Variants in SLC2A13 observed in about 807,000 individuals in gnomAD.
SLC2A13 encodes the protein proton myo-inositol cotransporter.
Under a neutral mutation model 64.4 loss-of-function variants are expected in SLC2A13, and 32 were observed. The ratio of observed to expected loss-of-function variants is 0.50; its 90% CI spans 0.37 to 0.67. The LOEUF (loss-of-function observed/expected upper bound fraction) is 0.67. SLC2A13 is among the 30% of genes least tolerant of loss of function. SLC2A13 has a pLI of 0.00. For synonymous variants in SLC2A13, 338 were observed against 327.1 expected (o/e 1.03, Z -0.36); for missense variants, 743 against 829.2 (o/e 0.90, Z 1.28).
intron 3 of SLC2A13, among the ~76,000 whole-genome samples, chr12:39,980,028 T>A (rs894559425): frequency 6.6e-6 from 1 of 151,492 alleles, no homozygotes; most frequent in Non-Finnish European, 1.5e-5. Context: ...TCAACATTCT[T>A]AAAGAAAAGA....
intron 1 of SLC2A13, among the ~76,000 whole-genome samples, chr12:40,085,060 G>C (rs1938546835): frequency 6.6e-6 from 1 of 152,092 alleles, no homozygotes; most frequent in South Asian, 2.1e-4. Flanking sequence ...AGGTGAAAAG[G>C]GCTGAGTTCA....
At chr12:39,917,564 A>C (rs1945541712) in intron 4 of SLC2A13, among the ~76,000 whole-genome samples, 2 of 152,124 alleles carry the variant, frequency 1.3e-5, no homozygotes, top group Non-Finnish European at 2.9e-5. Context: ...GGGCCTTAAC[A>C]GAACAAAAGG....
intron 1 of SLC2A13, among the ~76,000 whole-genome samples, chr12:40,095,432 A>T (rs529072123): frequency 6.6e-6 from 1 of 152,334 alleles, no homozygotes; most frequent in African/African-American, 2.4e-5. Context: ...GTAATTTTTT[A>T]GGTAGTTGCA....
intron 1 of SLC2A13, among the ~76,000 whole-genome samples, chr12:40,099,203 T>C (rs763151749): frequency 6.6e-5 from 10 of 152,238 alleles, no homozygotes; most frequent in South Asian, 4.1e-4. Flanking sequence ...GAGGTTTTTC[T>C]GGTGAGTATG....
intron 3 of SLC2A13, 115 bp from the exon 4 acceptor site, chr12:39,951,480 T>C (rs906247977): frequency 5.9e-6 from 4 of 674,048 alleles, no homozygotes; most frequent in Non-Finnish European, 9.4e-6. Context: ...TGACTGGGCA[T>C]TTTAAATCAG....
At chr12:39,831,425 G>A (rs183026574) in intron 6 of SLC2A13, among the ~76,000 whole-genome samples, 2 of 152,288 alleles carry the variant, frequency 1.3e-5, no homozygotes, top group East Asian at 3.9e-4. Context: ...GATACTATGG[G>A]TTGTGAAAGG....
chr12:39,836,153 G>A (rs916171534), intron 6 of SLC2A13, among the ~76,000 whole-genome samples: 1 of 152,092 alleles, frequency 6.6e-6, no homozygotes, highest in South Asian at 2.1e-4. Context: ...TAGAGAGTTT[G>A]TAGTAAATAA....
At chr12:39,911,319 T>A (rs1297404830) in intron 4 of SLC2A13, among the ~76,000 whole-genome samples, 1 of 152,130 alleles carries the variant, frequency 6.6e-6, no homozygotes, top group Non-Finnish European at 1.5e-5. Flanking sequence ...ATACCACCAA[T>A]GTCTTTTTCA....
chr12:40,100,609 G>A (rs1429669735), intron 1 of SLC2A13, among the ~76,000 whole-genome samples: 2 of 152,068 alleles, frequency 1.3e-5, no homozygotes, highest in African/African-American at 4.8e-5. Flanking sequence ...CTTGATTATA[G>A]GTACAATACT....
At chr12:39,872,107 C>CAAATTCATGCAAACG in intron 4 of SLC2A13, 146 bp from the exon 5 acceptor site, 7 of 615,608 alleles carry the variant, frequency 1.1e-5, no homozygotes, top group Non-Finnish European at 1.7e-5. Context: ...TTCATGCAAG[C>CAAATTCATGCAAACG]TGTTGAAAAG....
chr12:39,875,976 T>C (rs1457448632), intron 4 of SLC2A13, among the ~76,000 whole-genome samples: 1 of 152,120 alleles, frequency 6.6e-6, no homozygotes, highest in Admixed American at 6.6e-5. Flanking sequence ...AAAAGAACAA[T>C]ATGAACAACT....
intron 4 of SLC2A13, among the ~76,000 whole-genome samples, chr12:39,943,477 A>C (rs1186370974): frequency 6.6e-6 from 1 of 152,212 alleles, no homozygotes; most frequent in Non-Finnish European, 1.5e-5. Flanking sequence ...CTAGAGAGGC[A>C]GTCTGGCTAC....
intron 7 of SLC2A13, among the ~76,000 whole-genome samples, chr12:39,793,931 G>T (rs1488758269): frequency 6.6e-6 from 1 of 151,950 alleles, no homozygotes; most frequent in African/African-American, 2.4e-5. Context: ...GCTCATTATG[G>T]TTGGTCAGTG....
At chr12:39,800,487 A>G (rs1337778026) in intron 7 of SLC2A13, among the ~76,000 whole-genome samples, 1 of 133,912 alleles carries the variant, frequency 7.5e-6, no homozygotes, top group Non-Finnish European at 1.6e-5. Flanking sequence ...CAAAAAACAC[A>G]TGAAGAAATG....
intron 4 of SLC2A13, among the ~76,000 whole-genome samples, chr12:39,883,030 G>T (rs1944382710): frequency 6.6e-6 from 1 of 151,958 alleles, no homozygotes; most frequent in Non-Finnish European, 1.5e-5. Context: ...GGTTCATATG[G>T]CTTTCCACCT....
intron 1 of SLC2A13, among the ~76,000 whole-genome samples, chr12:40,078,619 T>C (rs1274560414): frequency 2.0e-5 from 3 of 152,096 alleles, no homozygotes; most frequent in Non-Finnish European, 4.4e-5. Flanking sequence ...GTGTCTGCCA[T>C]ATTTTGGTAT....
chr12:39,995,771 C>A (rs935767907), intron 3 of SLC2A13, among the ~76,000 whole-genome samples: 1 of 152,106 alleles, frequency 6.6e-6, no homozygotes, highest in Non-Finnish European at 1.5e-5. Flanking sequence ...ATTTTCCATG[C>A]TGTTCTCGTG....
rs545900107 is a variant in SLC2A13, at chr12:39,795,119, A to G, written c.1446-30261T>C. On this transcript the variant is annotated intron_variant, in intron 7 of 9. Transcript: ENST00000280871. Reference sequence around the variant, plus strand: ...TTAAATATTGCCTCTTCCCCATTCTATCTTTCTAGAACTATCATTTGGAGT... The same window carrying G: ...TTAAATATTGCCTCTTCCCCATTCTGTCTTTCTAGAACTATCATTTGGAGT... Among the ~76,000 whole-genome samples, 6 of 152,002 alleles carry G rather than the reference A, an allele frequency of 3.9e-5. No individual in the cohort carries two copies. In the East Asian group the frequency reaches 9.7e-4, roughly 25 times the overall value.
intron 5 of SLC2A13, among the ~76,000 whole-genome samples, chr12:39,865,137 A>C (rs939788123): frequency 6.6e-6 from 1 of 152,228 alleles, no homozygotes; most frequent in Non-Finnish European, 1.5e-5. Flanking sequence ...CTAGCCAAAC[A>C]GTAAATTGGT....
Sources: gnomAD v4.1 joint callset for allele counts (sites outside exome capture counted in the v4.1 genomes callset) on GRCh38, gnomAD v4.1.1 for gene constraint, MANE v1.5 for transcripts, NCBI Gene and HGNC (gene_info 2026-07-23, HGNC 2026-07-21) for gene names.